PRKCSH: variants seen among roughly 807,000 people sequenced by gnomAD.
PRKCSH encodes PRKCSH beta subunit of glucosidase II, also known as glucosidase 2 subunit beta.
Under a neutral mutation model 79.7 loss-of-function variants are expected in PRKCSH, and 42 were observed. The ratio of observed to expected loss-of-function variants is 0.53; its 90% CI spans 0.41 to 0.68. The LOEUF (loss-of-function observed/expected upper bound fraction) is 0.68. PRKCSH is among the 30% of genes least tolerant of loss of function. PRKCSH has a pLI of 0.00. For synonymous variants in PRKCSH, 325 were observed against 288.2 expected, an observed-to-expected ratio of 1.13 and a Z score of -1.29; for missense variants, 686 against 709.0, an observed-to-expected ratio of 0.97 and a Z score of 0.37.
chr19:11,443,133 C>A (rs1039360149), intron 7 of PRKCSH, among the ~76,000 whole-genome samples: 13 of 152,156 alleles, frequency 8.5e-5, no homozygotes, highest in Non-Finnish European at 1.6e-4. Flanking sequence ...TTTTTTGTGG[C>A]TGGGCATGGT....
chr19:11,449,019 G>T lies in PRKCSH; in HGVS notation c.1361+31G>T, dbSNP rs1275404030. The T allele has an allele frequency of 2.5e-6, 4 of 1,612,874 alleles. No homozygotes were observed. The highest frequency in any genetic ancestry group is 3.3e-4 in the Middle Eastern group (2 of 6,062). On this transcript the variant is annotated intron_variant, in intron 15 of 17. Coordinates refer to ENST00000677123, the MANE Select transcript of PRKCSH (RefSeq NM_001289104.2). The surrounding 1 kb of genome is among the most constrained non-coding windows in gnomAD (Gnocchi z 6.4). ...TGGCTTGGGCTGGCCCCTTCCCTCT[G>T]CCTCCTCCTGGTGCCCCGACACCGG...
At chr19:11,444,963 C>T (rs1245204352) in intron 7 of PRKCSH, among the ~76,000 whole-genome samples, 3 of 152,122 alleles carry the variant, frequency 2.0e-5, no homozygotes, top group Non-Finnish European at 2.9e-5. Flanking sequence ...ACTCCATCTG[C>T]GTCTCCCCAG....
rs754580626 is a variant in PRKCSH, at chr19:11,448,578, A to G, written c.1235A>G (p.Asn412Ser). 3.1e-5 allele frequency: 50 copies of G among 1,614,060 alleles called. No homozygotes were observed. The highest frequency in any genetic ancestry group is 1.6e-4 in the Middle Eastern group (1 of 6,084). The change falls in exon 14 of 18, where the codon AAC becomes AGC. Residue 412 changes from asparagine (N) to serine (S), a missense_variant. By Grantham distance (46) the Asn-to-Ser change is conservative (BLOSUM62 1). Around this residue, in one of 2 missense-constraint regions of PRKCSH, gnomAD observed 137 missense variants for 188.8 expected, o/e 0.73. Coordinates refer to ENST00000677123, the MANE Select transcript of PRKCSH (RefSeq NM_001289104.2). This position sits in a 1 kb window ranked among gnomAD's most constrained non-coding sequence, Gnocchi z 4.4. ...GAGATTTCTTTTGACTTTGGCCCCA[A>G]CGGGGAGTTTGCTTACCTGTACAGC... ...EQEISFDFGP[N>S]GEFAYLYSQC...
At chr19:11,440,788 C>G (rs912019494) in intron 5 of PRKCSH, among the ~76,000 whole-genome samples, 1 of 152,090 alleles carries the variant, frequency 6.6e-6, no homozygotes, top group African/African-American at 2.4e-5. Flanking sequence ...GTCTTTTTGT[C>G]TGGGAGTCAT....
intron 5 of PRKCSH, among the ~76,000 whole-genome samples, chr19:11,439,596 TTTTC>T (rs1177984222): frequency 2.8e-5 from 4 of 143,492 alleles, no homozygotes; most frequent in African/African-American, 1.1e-4. Flanking sequence ...TCAGAAAAAT[TTTTC>T]TTTTCTTTTT....
intron 2 of PRKCSH, 25 bp downstream of exon 2, chr19:11,436,221 G>T: frequency 6.3e-7 from 1 of 1,593,968 alleles, no homozygotes; most frequent in South Asian, 1.1e-5. Flanking sequence ...TCACCCTCCC[G>T]CCAGGCTGGA....
chr19:11,438,132 G>GGT lies in PRKCSH; in HGVS notation c.350+10_350+11dup, dbSNP rs752049618. On this transcript the variant is annotated intron_variant, in intron 5 of 17. Transcript: ENST00000677123. The stretch of plus-strand genomic sequence containing the variant: ...CTGTGAGAACACCTGCAAGTACGTG[G>GGT]GTGACAGTACCCCTCCCATCACCCC... The GGT allele has an allele frequency of 1.2e-6, 2 of 1,613,858 alleles. No individual in the cohort carries two copies. Among genetic ancestry groups the GGT allele is most frequent in the Admixed American group, 3.3e-5 (2 of 59,974 alleles).
chr19:11,448,251 G>A lies in PRKCSH; in HGVS notation c.1156G>A (p.Glu386Lys), dbSNP rs1970416642. The change falls in exon 13 of 18, where the codon GAG becomes AAG. Residue 386 changes from glutamate (E) to lysine (K), a missense_variant. Glu to Lys is a moderately conservative substitution (Grantham distance 56, BLOSUM62 1). Around this residue, in one of 2 missense-constraint regions of PRKCSH, gnomAD observed 549 missense variants for 520.2 expected, o/e 1.06. Transcript: ENST00000677123. This position sits in a 1 kb window ranked among gnomAD's most constrained non-coding sequence, Gnocchi z 4.4. ...CCAGGAGGCCCGCAACAAGTTCGAG[G>A]AGGCCGAGCGGTCGCTGAAGGACAT... ...AAQEARNKFE[E>K]AERSLKDMEE... is the part of the protein sequence containing the mutation. 3.2e-6 allele frequency: 5 copies of A among 1,567,238 alleles called. No homozygotes were observed. The highest frequency in any genetic ancestry group is 4.3e-6 in the Non-Finnish European group (5 of 1,155,628).
intron 5 of PRKCSH, among the ~76,000 whole-genome samples, chr19:11,440,068 C>T (rs928298990): frequency 2.0e-5 from 3 of 151,782 alleles, no homozygotes; most frequent in African/African-American, 7.3e-5. Flanking sequence ...AACACAAAGT[C>T]CTATCAGTTG....
chr19:11,438,436 C>G (rs534349885), intron 5 of PRKCSH, among the ~76,000 whole-genome samples: 1 of 152,090 alleles, frequency 6.6e-6, no homozygotes, highest in Admixed American at 6.6e-5. Context: ...TCCTGAAAAC[C>G]GAAACACCCA....
Position 11,446,449 on chromosome 19 carries a change from C to T in PRKCSH, c.762+99C>T, listed in dbSNP as rs1206005994. ...GGACCAAGGAAAGCTCCTTGCTGGCCTGGGATGCCTCCTCTGGGTGAGCTG... is the reference window on the plus strand; with the variant it reads ...GGACCAAGGAAAGCTCCTTGCTGGCTTGGGATGCCTCCTCTGGGTGAGCTG... On this transcript the variant is annotated intron_variant, in intron 9 of 17. Transcript: ENST00000677123. 3.6e-6 allele frequency: 5 copies of T among 1,374,270 alleles called. No individual in the cohort carries two copies. In the African/African-American group the frequency reaches 7.2e-5, roughly 20 times the overall value. 85.1% of individuals were successfully genotyped at this position (1,374,270 alleles called of 1,614,324 possible). A position where few individuals can be genotyped will look rare whatever the true frequency, so the allele number is the denominator to read the frequency against.
chr19:11,436,666 G>A, intron 3 of PRKCSH, 161 bp downstream of exon 3: 1 of 681,040 alleles, frequency 1.5e-6, no homozygotes, highest in Non-Finnish European at 2.6e-6. Context: ...GGCAGCTGGA[G>A]GAGCCCAGAG....
chr19:11,446,152 G>T, intron 8 of PRKCSH, 120 bp from the exon 9 acceptor site: 5 of 1,063,268 alleles, frequency 4.7e-6, no homozygotes, highest in Non-Finnish European at 7.0e-6. Context: ...ACACCTTGAG[G>T]TCCTGAAGCA....
intron 7 of PRKCSH, 81 bp from the exon 8 acceptor site, chr19:11,445,304 CTTGG>C: frequency 7.5e-7 from 1 of 1,334,808 alleles, no homozygotes; most frequent in Admixed American, 1.7e-5. Context: ...ATAGTAGGCG[CTTGG>C]TGGCAAACGA....
intron 17 of PRKCSH, among the ~76,000 whole-genome samples, chr19:11,450,248 G>A (rs1379513957): frequency 2.0e-5 from 3 of 151,140 alleles, no homozygotes; most frequent in East Asian, 2.0e-4. Flanking sequence ...TGAGGTGGGC[G>A]GATCACTTGA....
intron 7 of PRKCSH, among the ~76,000 whole-genome samples, chr19:11,444,236 G>A (rs553273345): frequency 6.6e-6 from 1 of 152,284 alleles, no homozygotes; most frequent in East Asian, 1.9e-4. Context: ...CTTGGGTCTG[G>A]GCAAGCTCAG....
At chr19:11,435,835 T>C (rs1177072549) in intron 1 of PRKCSH, 129 bp downstream of exon 1, 49 of 1,278,988 alleles carry the variant, frequency 3.8e-5, no homozygotes, top group Non-Finnish European at 5.1e-5. Flanking sequence ...TGGGTCACAA[T>C]TGGGCACAGG....
chr19:11,445,939 G>A (rs1001753518), intron 8 of PRKCSH: 1 of 509,424 alleles, frequency 2.0e-6, no homozygotes, highest in East Asian at 3.5e-5. Context: ...GGGTGGGGGT[G>A]GGCTTTGCTG....
At chr19:11,445,081 A>G (rs1028114520) in intron 7 of PRKCSH, among the ~76,000 whole-genome samples, 2 of 151,966 alleles carry the variant, frequency 1.3e-5, no homozygotes, top group Non-Finnish European at 2.9e-5. Context: ...GTGGCCTGAC[A>G]GGGCTGCCCT....
Sources: gnomAD v4.1 joint callset for allele counts (sites outside exome capture counted in the v4.1 genomes callset) on GRCh38, gnomAD v4.1.1 for gene constraint, gnomAD v4.1.1 regional missense constraint, Gnocchi (gnomAD v3.1) non-coding constraint, MANE v1.5 for transcripts, NCBI Gene and HGNC (gene_info 2026-07-23, HGNC 2026-07-21) for gene names.